Variants in PIEZO2 observed in about 807,000 individuals in gnomAD.
PIEZO2 encodes piezo type mechanosensitive ion channel component 2.
PIEZO2 carries 172 observed loss-of-function variants against 337.3 expected under a neutral mutation model. That is an observed-to-expected ratio of 0.51 (90% CI 0.45 to 0.58). The LOEUF is 0.58. PIEZO2 is among the 20% of genes least tolerant of loss of function. The probability of loss-of-function intolerance (pLI) is 0.00; values close to 1 mark genes in which losing one functional copy is unlikely to be tolerated. For missense variants in PIEZO2, 3,028 were observed against 3,391.3 expected, an observed-to-expected ratio of 0.89 and a Z score of 2.66; for synonymous variants, 1,251 against 1,228.5, an observed-to-expected ratio of 1.02 and a Z score of -0.38.
intron 2 of PIEZO2, among the ~76,000 whole-genome samples, chr18:11,024,341 C>T (rs575226416): frequency 1.3e-5 from 2 of 151,954 alleles, no homozygotes; most frequent in South Asian, 2.1e-4. Flanking sequence ...GTCAGGAGAT[C>T]GAGACCATCC....
In PIEZO2 at chr18:10,813,160, T is replaced by A. The variant is rs2040251147; in HGVS notation, c.918-5886A>T. Among the ~76,000 whole-genome samples the A allele has an allele frequency of 6.6e-6, 1 of 152,066 alleles. No individual in the cohort carries two copies. The highest frequency in any genetic ancestry group is 6.6e-5 in the Admixed American group (1 of 15,260). ...ACGCTCAGCTAAGTTTTTGTATTTTTAGTAGAGAAGGGATTTCACCATGTT... is the reference window on the plus strand; with the variant it reads ...ACGCTCAGCTAAGTTTTTGTATTTTAAGTAGAGAAGGGATTTCACCATGTT... On this transcript the variant is annotated intron_variant, in intron 7 of 55. Coordinates refer to ENST00000674853, the MANE Select transcript of PIEZO2 (RefSeq NM_001378183.1). The surrounding 1 kb of genome is among the most constrained non-coding windows in gnomAD (Gnocchi z 4.2).
chr18:10,698,792 C>G, intron 44 of PIEZO2, 133 bp downstream of exon 44: 1 of 1,227,100 alleles, frequency 8.1e-7, no homozygotes, highest in Non-Finnish European at 1.1e-6. Context: ...TTTCAAAGCC[C>G]TTTCTTTTCA....
At chr18:10,995,033 G>A (rs373005090) in intron 2 of PIEZO2, among the ~76,000 whole-genome samples, 7 of 136,248 alleles carry the variant, frequency 5.1e-5, no homozygotes, top group South Asian at 2.3e-4. Flanking sequence ...AGCCGAGATC[G>A]TGCCACTGCA....
At position 10,671,189 on chromosome 18, in the gene PIEZO2, CA is replaced by C. The variant is rs578057130; in HGVS notation, c.*337del. On this transcript the variant is annotated 3_prime_UTR_variant, in exon 56 of 56. Transcript: ENST00000674853. ...TGCACGGGCCCCACAGAGGAAAACA[CA>C]GGCATCTTTCTTTCTGACTCCTCTT... 360 of 218,122 alleles carry C rather than the reference CA, an allele frequency of 1.7e-3. No individual in the cohort carries two copies. Among genetic ancestry groups the C allele is most frequent in the Non-Finnish European group, 2.5e-3 (276 of 109,344 alleles). The allele number at this position is 218,122 out of a possible 1,614,324, so 13.5% of individuals were successfully genotyped here.
chr18:10,994,643 C>A (rs2035239147), intron 2 of PIEZO2, among the ~76,000 whole-genome samples: 1 of 151,126 alleles, frequency 6.6e-6, no homozygotes, highest in Non-Finnish European at 1.5e-5. Flanking sequence ...CTCCTGACCT[C>A]GTGATCTACC....
At position 11,109,827 on chromosome 18, in the gene PIEZO2, T is replaced by G. The variant is rs1257658203; in HGVS notation, c.64+38698A>C. Among the ~76,000 whole-genome samples the G allele has an allele frequency of 6.6e-6, 1 of 152,206 alleles. No individual in the cohort carries two copies. Among genetic ancestry groups the G allele is most frequent in the East Asian group, 1.9e-4 (1 of 5,202 alleles). ...ATGCTGAAATCTTAGATATACAGATTTTTCCACAGATCTTTCTTTTCTTGC... is the reference window on the plus strand; with the variant it reads ...ATGCTGAAATCTTAGATATACAGATGTTTCCACAGATCTTTCTTTTCTTGC... On this transcript the variant is annotated intron_variant, in intron 1 of 55. Transcript: ENST00000674853. The surrounding 1 kb of genome is among the most constrained non-coding windows in gnomAD (Gnocchi z 5.1).
intron 1 of PIEZO2, among the ~76,000 whole-genome samples, chr18:11,095,582 C>T (rs536497218): frequency 6.6e-6 from 1 of 152,276 alleles, no homozygotes; most frequent in East Asian, 1.9e-4. Context: ...CTTAAGAGTG[C>T]ATAAAACATA....
At chr18:11,090,844 G>GT (rs397713830) in intron 1 of PIEZO2, among the ~76,000 whole-genome samples, 1 of 151,300 alleles carries the variant, frequency 6.6e-6, no homozygotes, top group Non-Finnish European at 1.5e-5. Context: ...ACCCGGGGGG[G>GT]CAAAGCTTGC....
intron 4 of PIEZO2, among the ~76,000 whole-genome samples, chr18:10,910,303 C>A (rs1269134295): frequency 1.3e-5 from 2 of 152,210 alleles, no homozygotes; most frequent in Non-Finnish European, 2.9e-5. Flanking sequence ...CATTGACCAG[C>A]GGGTGCAGTG....
intron 3 of PIEZO2, among the ~76,000 whole-genome samples, chr18:10,930,867 C>T (rs953110034): frequency 2.0e-5 from 3 of 152,082 alleles, no homozygotes; most frequent in East Asian, 1.9e-4. Flanking sequence ...TGTAGGTAAC[C>T]GATGTCTCTA....
chr18:11,035,335 T>C lies in PIEZO2; in HGVS notation c.160+30792A>G, dbSNP rs200525840. 7.7e-6 allele frequency among the ~76,000 whole-genome samples: 1 copy of C among 130,688 alleles called. No individual in the cohort carries two copies. The highest frequency in any genetic ancestry group is 3.1e-5 in the African/African-American group (1 of 32,368). 85.7% of individuals were successfully genotyped at this position (130,688 alleles called of 152,430 possible). A position where few individuals can be genotyped will look rare whatever the true frequency, so the allele number is the denominator to read the frequency against. On this transcript the variant is annotated intron_variant, in intron 2 of 55. Coordinates refer to ENST00000674853, the MANE Select transcript of PIEZO2 (RefSeq NM_001378183.1). This position sits in a 1 kb window ranked among gnomAD's most constrained non-coding sequence, Gnocchi z 4.3. ...TCTCCCTCTCTCTCTCTCTCTCTCT[T>C]TCTCTCTCTCTCATTCCCTCTCTCA... is the stretch of plus-strand genomic sequence containing the variant.
rs1022662544 is a variant in PIEZO2, at chr18:10,715,757, T to C, written c.5149A>G (p.Thr1717Ala). ...AGCCAAGTAGTGAAACTGTCCACTG[T>C]TGCCAGAAATAGGACCCAGGTAAAT... Reference protein sequence around the residue: ...LKFTWVLFLATVDSFTTWLNS... With the variant: ...LKFTWVLFLAAVDSFTTWLNS... The change falls in exon 38 of 56, where the codon ACA becomes GCA. Residue 1717 changes from threonine (T) to alanine (A), a missense_variant. This residue lies in a region of PIEZO2 where 1,925 missense variants were observed against 2,051.9 expected (regional missense o/e 0.94). Transcript: ENST00000674853. The C allele has an allele frequency of 2.6e-6, 4 of 1,535,168 alleles. No homozygotes were observed. In the African/African-American group the frequency reaches 4.1e-5, roughly 16 times the overall value.
chr18:10,676,971 A>G lies in PIEZO2; in HGVS notation c.8081+776T>C, dbSNP rs950954873. On this transcript the variant is annotated intron_variant, in intron 53 of 55. Coordinates refer to ENST00000674853, the MANE Select transcript of PIEZO2 (RefSeq NM_001378183.1). The surrounding 1 kb of genome is among the most constrained non-coding windows in gnomAD (Gnocchi z 5.1). The stretch of plus-strand genomic sequence containing the variant: ...CTGGGCACATACTATGTTGGGCCAT[A>G]TGAACCCAGGTGGACCTGCCAGAGC... Among the ~76,000 whole-genome samples the G allele has an allele frequency of 7.9e-5, 12 of 152,218 alleles. No homozygotes were observed. Among genetic ancestry groups the G allele is most frequent in the African/African-American group, 2.9e-4 (12 of 41,462 alleles).
At chr18:10,840,496 C>G (rs1418553078) in intron 7 of PIEZO2, among the ~76,000 whole-genome samples, 1 of 152,046 alleles carries the variant, frequency 6.6e-6, no homozygotes, top group Non-Finnish European at 1.5e-5. Context: ...ATTTTTATAT[C>G]AACATTAATG....
intron 1 of PIEZO2, among the ~76,000 whole-genome samples, chr18:11,086,823 C>G (rs2146017337): frequency 1.3e-5 from 2 of 151,878 alleles, no homozygotes; most frequent in Middle Eastern, 6.8e-3. Context: ...ATTTTTAATT[C>G]AAAACCGTTC....
chr18:10,771,904 G>A (rs146967497), intron 20 of PIEZO2, among the ~76,000 whole-genome samples: 79 of 152,270 alleles, frequency 5.2e-4, no homozygotes, highest in African/African-American at 1.6e-3. Flanking sequence ...CAGAGTGACC[G>A]CTGCAGTATT....
intron 7 of PIEZO2, among the ~76,000 whole-genome samples, chr18:10,827,053 G>C (rs375122219): frequency 2.5e-4 from 38 of 152,184 alleles, no homozygotes; most frequent in Admixed American, 7.8e-4. Context: ...CTTATGCATA[G>C]ATATATAGAA....
chr18:10,718,598 G>T lies in PIEZO2; in HGVS notation c.5030-339C>A, dbSNP rs113882338. ...AAGGAGAATAGTATTTGGTGCATGT[G>T]AAAATTATGTGAAATTAACAGTCAT... On this transcript the variant is annotated intron_variant, in intron 36 of 55. Transcript: ENST00000674853. Among the ~76,000 whole-genome samples the T allele has an allele frequency of 7.3e-3, 1,118 of 152,280 alleles. 20 individuals carry two copies. The highest frequency in any genetic ancestry group is 0.024 in the African/African-American group (1,003 of 41,534).
In PIEZO2 at chr18:10,758,084, C is replaced by T. The variant is rs975131824; in HGVS notation, c.3808G>A (p.Asp1270Asn). ...CASLQRQIFE[D>N]ENKAAVRIMA... ...ATTCGCACTGCAGCCTTGTTCTCAT[C>T]CTCAAAAATCTGCCGTTGTAAGGAG... is the stretch of plus-strand genomic sequence containing the variant. Residue 1270 changes from aspartate (D) to asparagine (N), a missense_variant, in exon 27 of 56, where the codon GAT (aspartate) becomes AAT (asparagine). This residue lies in a region of PIEZO2 where 1,925 missense variants were observed against 2,051.9 expected (regional missense o/e 0.94). Transcript: ENST00000674853. 1.3e-6 allele frequency: 2 copies of T among 1,537,558 alleles called. No homozygotes were observed. Among genetic ancestry groups the T allele is most frequent in the Non-Finnish European group, 8.7e-7 (1 of 1,146,890 alleles).
Sources: gnomAD v4.1 joint callset for allele counts (sites outside exome capture counted in the v4.1 genomes callset) on GRCh38, gnomAD v4.1.1 for gene constraint, gnomAD v4.1.1 regional missense constraint, Gnocchi (gnomAD v3.1) non-coding constraint, MANE v1.5 for transcripts, NCBI Gene and HGNC (gene_info 2026-07-23, HGNC 2026-07-21) for gene names.